THSD7B: variants seen among roughly 807,000 people sequenced by gnomAD.
THSD7B encodes the protein thrombospondin type 1 domain containing 7B.
THSD7B carries 138 observed loss-of-function variants against 213.6 expected under a neutral mutation model. The ratio of observed to expected loss-of-function variants is 0.65; its 90% CI spans 0.56 to 0.74. The LOEUF (loss-of-function observed/expected upper bound fraction) is 0.74. THSD7B is among the 30% of genes least tolerant of loss of function. The pLI, the probability that THSD7B is intolerant of heterozygous loss-of-function variation, is 0.00. For synonymous variants in THSD7B, 742 were observed against 687.0 expected, an observed-to-expected ratio of 1.08 and a Z score of -1.25; for missense variants, 1,931 against 1,991.5, an observed-to-expected ratio of 0.97 and a Z score of 0.58.
intron 1 of THSD7B, among the ~76,000 whole-genome samples, chr2:136,778,024 G>A (rs1472721593): frequency 2.0e-5 from 3 of 152,108 alleles, no homozygotes; most frequent in Non-Finnish European, 2.9e-5. Flanking sequence ...AGCACCAAAT[G>A]TTTATGGATC....
At chr2:137,641,554 G>C (rs1682937535) in intron 20 of THSD7B, among the ~76,000 whole-genome samples, 1 of 152,192 alleles carries the variant, frequency 6.6e-6, no homozygotes, top group Admixed American at 6.5e-5. Context: ...TATGTGCTGA[G>C]TTCTTCATCA....
At position 136,780,048 on chromosome 2, in the gene THSD7B, G is replaced by A. The variant is rs1287084678; in HGVS notation, c.-36+14361G>A. Among the ~76,000 whole-genome samples, 3 of 152,152 alleles carry A rather than the reference G, an allele frequency of 2.0e-5. No homozygotes were observed. In the East Asian group the frequency reaches 5.8e-4, roughly 29 times the overall value. The stretch of plus-strand genomic sequence containing the variant: ...GATGAGGTGATTTTTTGAGGGGGGT[G>A]TGTGTGTCTATGTGTGTTTGTGTCT... On this transcript the variant is annotated intron_variant, in intron 1 of 27. Coordinates refer to ENST00000409968, the MANE Select transcript of THSD7B (RefSeq NM_001316349.2).
chr2:136,954,425 A>G, intron 2 of THSD7B, among the ~76,000 whole-genome samples: 1 of 152,114 alleles, frequency 6.6e-6, no homozygotes, highest in Admixed American at 6.5e-5. Context: ...CCTTGTTTTT[A>G]AGAAATTACG....
At chr2:137,476,294 T>C (rs1246559354) in intron 15 of THSD7B, among the ~76,000 whole-genome samples, 1 of 152,192 alleles carries the variant, frequency 6.6e-6, no homozygotes, top group Non-Finnish European at 1.5e-5. Context: ...TTGATTGTTA[T>C]CTGTGTAGAA....
rs1236843754 is a variant in THSD7B, at chr2:137,677,202, G to A, written c.*597G>A. 6.6e-6 allele frequency: 1 copy of A among 152,574 alleles called. No individual in the cohort carries two copies. The highest frequency in any genetic ancestry group is 6.5e-5 in the Admixed American group (1 of 15,274). The allele number at this position is 152,574 out of a possible 1,614,324, so 9.5% of individuals were successfully genotyped here. On this transcript the variant is annotated 3_prime_UTR_variant, in exon 28 of 28. Coordinates refer to ENST00000409968, the MANE Select transcript of THSD7B (RefSeq NM_001316349.2). ...TTTGTTTTGTAGCCAGGGGATGATGGCGCTTCATGGGTTGCAGCTACTGAA... is the reference window on the plus strand; with the variant it reads ...TTTGTTTTGTAGCCAGGGGATGATGACGCTTCATGGGTTGCAGCTACTGAA...
chr2:137,414,666 G>A (rs1378924235), intron 14 of THSD7B, among the ~76,000 whole-genome samples: 2 of 152,112 alleles, frequency 1.3e-5, no homozygotes, highest in African/African-American at 4.8e-5. Flanking sequence ...GCTTCAGTGA[G>A]CCATGATTGT....
chr2:137,287,968 A>G (rs943020589), intron 12 of THSD7B, among the ~76,000 whole-genome samples: 1 of 152,116 alleles, frequency 6.6e-6, no homozygotes, highest in East Asian at 1.9e-4. Context: ...CATGACTAAA[A>G]TTCTATCTCT....
intron 7 of THSD7B, among the ~76,000 whole-genome samples, chr2:137,173,465 C>G (rs1378865673): frequency 6.6e-6 from 1 of 152,176 alleles, no homozygotes. Context: ...GAGCCTTCTA[C>G]AATCATCAGC....
intron 12 of THSD7B, among the ~76,000 whole-genome samples, chr2:137,309,667 C>T (rs1683844273): frequency 6.6e-6 from 1 of 152,002 alleles, no homozygotes; most frequent in Admixed American, 6.5e-5. Flanking sequence ...ACCCCCACCC[C>T]ACAACAGTCC....
At chr2:137,465,975 A>G (rs1687983627) in intron 15 of THSD7B, among the ~76,000 whole-genome samples, 1 of 152,114 alleles carries the variant, frequency 6.6e-6, no homozygotes. Context: ...TCATGTTCCC[A>G]TGGTTTGGAG....
chr2:136,989,306 G>A (rs1261300166), intron 2 of THSD7B, among the ~76,000 whole-genome samples: 2 of 152,178 alleles, frequency 1.3e-5, no homozygotes, highest in Non-Finnish European at 2.9e-5. Flanking sequence ...AGGTATTTGG[G>A]TTATGGAGGC....
chr2:137,546,604 T>G lies in THSD7B; in HGVS notation c.3139-16617T>G, dbSNP rs552595890. Reference sequence around the variant, plus strand: ...CCTTTTTCTTTTGGGGATACTGGGGTTTTTTTTGTTTGTTTTTTACAGAAA... The same window carrying G: ...CCTTTTTCTTTTGGGGATACTGGGGGTTTTTTTGTTTGTTTTTTACAGAAA... On this transcript the variant is annotated intron_variant, in intron 15 of 27. Coordinates refer to ENST00000409968, the MANE Select transcript of THSD7B (RefSeq NM_001316349.2). 1.1e-4 allele frequency among the ~76,000 whole-genome samples: 16 copies of G among 140,310 alleles called. No homozygotes were observed. In the East Asian group the frequency reaches 1.3e-3, roughly 11 times the overall value. The allele number at this position is 140,310 out of a possible 152,430, so 92.0% of individuals were successfully genotyped here.
intron 5 of THSD7B, among the ~76,000 whole-genome samples, chr2:137,117,109 G>T (rs545271462): frequency 6.6e-6 from 1 of 152,272 alleles, no homozygotes; most frequent in African/African-American, 2.4e-5. Flanking sequence ...CAGCACAGCT[G>T]CCATAAAGGC....
chr2:136,944,661 A>T (rs1268025696), intron 2 of THSD7B, among the ~76,000 whole-genome samples: 17 of 149,718 alleles, frequency 1.1e-4, no homozygotes, highest in South Asian at 2.1e-4. Flanking sequence ...TCTCTTTTGA[A>T]CTTTGTTGGT....
At chr2:136,960,074 C>T (rs916852621) in intron 2 of THSD7B, among the ~76,000 whole-genome samples, 16 of 152,134 alleles carry the variant, frequency 1.1e-4, no homozygotes, top group Non-Finnish European at 1.5e-4. Flanking sequence ...CATTCAGGAA[C>T]TTTCTTGTAA....
chr2:136,927,425 CAA>C (rs1469336746), intron 2 of THSD7B, among the ~76,000 whole-genome samples: 1 of 152,140 alleles, frequency 6.6e-6, no homozygotes, highest in African/African-American at 2.4e-5. Flanking sequence ...GGAATACTAA[CAA>C]GAGGTTTTTC....
At chr2:136,796,548 C>A (rs1558807968) in intron 1 of THSD7B, among the ~76,000 whole-genome samples, 1 of 151,924 alleles carries the variant, frequency 6.6e-6, no homozygotes, top group African/African-American at 2.4e-5. Context: ...GTGTTGGGTG[C>A]TACCTGTAGG....
intron 15 of THSD7B, among the ~76,000 whole-genome samples, chr2:137,498,150 T>A (rs1679615693): frequency 6.6e-6 from 1 of 152,210 alleles, no homozygotes; most frequent in African/African-American, 2.4e-5. Context: ...CTGTTAAATA[T>A]GTTCAGATAA....
At chr2:137,632,956 C>G (rs1312183203) in intron 20 of THSD7B, among the ~76,000 whole-genome samples, 1 of 152,074 alleles carries the variant, frequency 6.6e-6, no homozygotes, top group Non-Finnish European at 1.5e-5. Flanking sequence ...TTCATATAAG[C>G]CAAGGAATCC....
Sources: allele counts gnomAD v4.1 joint callset (sites outside exome capture counted in the v4.1 genomes callset), GRCh38; gene constraint gnomAD v4.1.1; transcripts MANE v1.5; gene names NCBI Gene and HGNC (gene_info 2026-07-23, HGNC 2026-07-21).